The following GRIK2 variants were observed in gnomAD, a reference collection of about 807,000 sequenced individuals.
GRIK2 encodes glutamate receptor ionotropic, kainate 2.
A neutral mutation model predicts 100.3 loss-of-function variants in GRIK2; 32 were observed. The observed-to-expected ratio is 0.32, with a 90% CI of 0.24 to 0.43. The LOEUF (loss-of-function observed/expected upper bound fraction) is 0.43. Among genes scored for constraint, GRIK2 ranks in the 20% least tolerant of loss-of-function variants. GRIK2 has a pLI of 1.00. For synonymous variants in GRIK2, 417 were observed against 389.4 expected, an observed-to-expected ratio of 1.07 and a Z score of -0.83; for missense variants, 843 against 1,114.9, an observed-to-expected ratio of 0.76 and a Z score of 3.47.
intron 2 of GRIK2, among the ~76,000 whole-genome samples, chr6:101,600,642 T>A (rs1779166105): frequency 6.6e-6 from 1 of 151,334 alleles, no homozygotes; most frequent in East Asian, 1.9e-4. Context: ...TAGTTGAAGG[T>A]TTTTGTTTTT....
intron 14 of GRIK2, among the ~76,000 whole-genome samples, chr6:101,942,825 T>A (rs904564776): frequency 2.6e-5 from 4 of 152,192 alleles, no homozygotes; most frequent in Admixed American, 6.5e-5. Context: ...AAAGTTTGGA[T>A]AATTTTTAGC....
intron 11 of GRIK2, among the ~76,000 whole-genome samples, chr6:101,874,014 A>G (rs1785624101): frequency 6.6e-6 from 1 of 152,122 alleles, no homozygotes; most frequent in African/African-American, 2.4e-5. Context: ...TCAGATGAGT[A>G]GATTGCAAAA....
At chr6:101,684,530 G>A (rs1008153785) in intron 6 of GRIK2, among the ~76,000 whole-genome samples, 8 of 152,034 alleles carry the variant, frequency 5.3e-5, no homozygotes, top group African/African-American at 1.4e-4. Flanking sequence ...TCATCAGCCC[G>A]GTCTTTCTTT....
chr6:101,977,161 TA>T (rs961660048), intron 14 of GRIK2, among the ~76,000 whole-genome samples: 9 of 151,294 alleles, frequency 5.9e-5, no homozygotes, highest in African/African-American at 1.5e-4. Context: ...AGGGATTTAT[TA>T]TTTTTTTTTT....
intron 2 of GRIK2, among the ~76,000 whole-genome samples, chr6:101,433,050 A>G (rs947138606): frequency 5.9e-5 from 9 of 152,132 alleles, no homozygotes; most frequent in African/African-American, 2.2e-4. Context: ...CTGAGTTGAG[A>G]TCTATTGGCC....
chr6:101,875,289 A>G (rs1582432737), intron 11 of GRIK2, among the ~76,000 whole-genome samples: 1 of 151,888 alleles, frequency 6.6e-6, no homozygotes, highest in East Asian at 1.9e-4. Context: ...ACAAGAAACC[A>G]AGGACAAAAC....
At chr6:101,853,510 C>G (rs1784255894) in intron 10 of GRIK2, among the ~76,000 whole-genome samples, 1 of 152,184 alleles carries the variant, frequency 6.6e-6, no homozygotes, top group South Asian at 2.1e-4. Flanking sequence ...AGGGCTGCCA[C>G]TTTAGAAGAC....
chr6:101,792,727 T>C (rs1779970766), intron 7 of GRIK2, among the ~76,000 whole-genome samples: 2 of 152,258 alleles, frequency 1.3e-5, no homozygotes, highest in South Asian at 4.1e-4. Flanking sequence ...TGGTGTTCTC[T>C]GTATTTCCTG....
intron 10 of GRIK2, among the ~76,000 whole-genome samples, chr6:101,839,523 T>C (rs1340239514): frequency 6.6e-6 from 1 of 152,170 alleles, no homozygotes; most frequent in African/African-American, 2.4e-5. Context: ...TTAGTTTTTA[T>C]GATATTAAAG....
chr6:101,605,585 C>A (rs755689395), intron 2 of GRIK2, among the ~76,000 whole-genome samples: 2 of 151,922 alleles, frequency 1.3e-5, no homozygotes, highest in East Asian at 1.9e-4. Context: ...TTTTTAAAAT[C>A]TTTAACTACC....
intron 12 of GRIK2, among the ~76,000 whole-genome samples, chr6:101,891,083 A>T: frequency 6.6e-6 from 1 of 151,620 alleles, no homozygotes; most frequent in South Asian, 2.1e-4. Context: ...TAAATTTATC[A>T]GTAAGGGTAT....
intron 9 of GRIK2, among the ~76,000 whole-genome samples, chr6:101,816,506 TA>T: frequency 6.6e-6 from 1 of 151,992 alleles, no homozygotes; most frequent in East Asian, 1.9e-4. Context: ...ATGGTGAAAC[TA>T]AAAATACAAA....
intron 7 of GRIK2, among the ~76,000 whole-genome samples, chr6:101,781,885 G>A (rs921813060): frequency 2.0e-5 from 3 of 151,426 alleles, no homozygotes; most frequent in Admixed American, 2.0e-4. Flanking sequence ...CAATTCTGGA[G>A]GTTGAAAGTC....
At chr6:101,573,233 T>G (rs1011907482) in intron 2 of GRIK2, among the ~76,000 whole-genome samples, 2 of 152,148 alleles carry the variant, frequency 1.3e-5, no homozygotes, top group African/African-American at 4.8e-5. Flanking sequence ...GTTTTTGGCA[T>G]AAAGGAAGAC....
At chr6:101,878,189 C>A (rs1785998537) in intron 11 of GRIK2, among the ~76,000 whole-genome samples, 1 of 149,532 alleles carries the variant, frequency 6.7e-6, no homozygotes, top group Admixed American at 6.7e-5. Context: ...GAAATAATAG[C>A]AAAATTTCTG....
At chr6:101,442,259 T>C (rs1316077311) in intron 2 of GRIK2, among the ~76,000 whole-genome samples, 2 of 152,016 alleles carry the variant, frequency 1.3e-5, no homozygotes, top group South Asian at 2.1e-4. Context: ...ATGGAGTTTG[T>C]TGGGAGAAAA....
intron 7 of GRIK2, among the ~76,000 whole-genome samples, chr6:101,748,424 G>A (rs1260643107): frequency 6.6e-6 from 1 of 151,874 alleles, no homozygotes; most frequent in Non-Finnish European, 1.5e-5. Context: ...GAAATTCTGG[G>A]ACAGCTAAAA....
At chr6:102,065,972 G>C in intron 16 of GRIK2, 1 of 1,127,716 alleles carries the variant, frequency 8.9e-7, no homozygotes, top group Non-Finnish European at 1.2e-6. Context: ...TATACTGGCT[G>C]TCAGGTGCCA....
At chr6:101,868,002 G>C (rs996263038) in intron 11 of GRIK2, among the ~76,000 whole-genome samples, 2 of 151,482 alleles carry the variant, frequency 1.3e-5, no homozygotes, top group African/African-American at 4.8e-5. Context: ...TAAAATGTCT[G>C]TAAAAAATGT....
Sources: gnomAD v4.1 joint callset for allele counts (sites outside exome capture counted in the v4.1 genomes callset) on GRCh38, gnomAD v4.1.1 for gene constraint, MANE v1.5 for transcripts, NCBI Gene and HGNC (gene_info 2026-07-23, HGNC 2026-07-21) for gene names.